CAB39L: variants seen among roughly 807,000 people sequenced by gnomAD.
CAB39L encodes calcium-binding protein 39-like.
CAB39L carries 23 observed loss-of-function variants against 39.1 expected under a neutral mutation model. The ratio of observed to expected loss-of-function variants is 0.59; its 90% CI spans 0.42 to 0.83. CAB39L has a LOEUF of 0.83. CAB39L is among the 40% of genes least tolerant of loss of function. The pLI is 0.00. For synonymous variants in CAB39L, 126 were observed against 137.2 expected, an observed-to-expected ratio of 0.92 and a Z score of 0.57; for missense variants, 366 against 391.9, an observed-to-expected ratio of 0.93 and a Z score of 0.56.
rs370429266 is a variant in CAB39L at position 49,344,213 on chromosome 13, A to G, written c.590T>C (p.Leu197Ser). The change falls in exon 8 of 11, where the codon TTG becomes TCG. Residue 197 changes from leucine to serine, a missense_variant. By Grantham distance (145) the Leu-to-Ser change is moderately radical (BLOSUM62 -2). Transcript: ENST00000409308. Reference sequence around the variant, plus strand: ...ATTTTGTTCTAAGAAGTCTGCTACCAACACTTTATGTCTGGTTAGTAAATC... The same window carrying G: ...ATTTTGTTCTAAGAAGTCTGCTACCGACACTTTATGTCTGGTTAGTAAATC... ...FKDLLTRHKV[L>S]VADFLEQNYD... 3.1e-6 allele frequency: 5 copies of G among 1,601,550 alleles called. No individual in the cohort carries two copies. In the African/African-American group the frequency reaches 5.3e-5, roughly 17 times the overall value.
At chr13:49,443,184 AG>A (rs1483667262) in intron 1 of CAB39L, among the ~76,000 whole-genome samples, 2 of 152,050 alleles carry the variant, frequency 1.3e-5, no homozygotes, top group African/African-American at 4.8e-5. Context: ...TCCCTAACAA[AG>A]CCTCCTCCTG....
intron 10 of CAB39L, among the ~76,000 whole-genome samples, chr13:49,311,628 T>A (rs1430320270): frequency 6.6e-6 from 1 of 152,166 alleles, no homozygotes; most frequent in African/African-American, 2.4e-5. Flanking sequence ...ATACTGATGA[T>A]CCTGACCCTG....
intron 9 of CAB39L, among the ~76,000 whole-genome samples, chr13:49,337,069 A>C (rs1188919822): frequency 1.3e-5 from 2 of 152,196 alleles, no homozygotes; most frequent in Non-Finnish European, 2.9e-5. Flanking sequence ...GTACAAATAT[A>C]AAGGAAACCA....
rs997464127 is a variant in CAB39L, at chr13:49,377,462, G to T, written c.112-331C>A. ...TCCCTCTCATGCGGAGCCGAAGCTG[G>T]ACTGTACTGCTGCCATCTCGGCTCA... On this transcript the variant is annotated intron_variant, in intron 4 of 10. Transcript: ENST00000409308. 2.1e-5 allele frequency among the ~76,000 whole-genome samples: 2 copies of T among 93,622 alleles called. 1 individual carries two copies. Among genetic ancestry groups the T allele is most frequent in the South Asian group, 7.4e-4 (2 of 2,700 alleles). The allele number at this position is 93,622 out of a possible 152,430, so 61.4% of individuals were successfully genotyped here. A position where few individuals can be genotyped will look rare whatever the true frequency, so the allele number is the denominator to read the frequency against.
At chr13:49,413,029 A>G (rs1427360045) in intron 3 of CAB39L, 1 of 152,208 alleles carries the variant, frequency 6.6e-6, no homozygotes, top group Non-Finnish European at 1.5e-5. Context: ...GCCTAGTGTG[A>G]TACTAGGTTC....
At chr13:49,357,407 G>A (rs376593185) in intron 6 of CAB39L, among the ~76,000 whole-genome samples, 17 of 152,150 alleles carry the variant, frequency 1.1e-4, no homozygotes, top group Admixed American at 8.5e-4. Context: ...CAAACAATGA[G>A]TAAATGGTTT....
At position 49,363,581 on chromosome 13, in the gene CAB39L, G is replaced by A. The variant is rs576783290; in HGVS notation, c.277-3749C>T. 6.6e-5 allele frequency among the ~76,000 whole-genome samples: 10 copies of A among 152,128 alleles called. No homozygotes were observed. In the South Asian group the frequency reaches 2.1e-3, roughly 32 times the overall value. ...ATTAAAAGGAAGATAGAAAGGAAGA[G>A]AAGAAGGAAGAGATGACTAAAAAAC... On this transcript the variant is annotated intron_variant, in intron 5 of 10. Coordinates refer to ENST00000409308, the MANE Select transcript of CAB39L (RefSeq NM_001079670.3).
intron 1 of CAB39L, among the ~76,000 whole-genome samples, chr13:49,442,502 G>T (rs979285660): frequency 6.6e-6 from 1 of 152,040 alleles, no homozygotes; most frequent in Non-Finnish European, 1.5e-5. Flanking sequence ...TAAGAAAAAT[G>T]ATTCTCAGGC....
chr13:49,439,256 C>CTGAAAACATAG (rs1463389057), intron 1 of CAB39L, among the ~76,000 whole-genome samples: 2 of 152,018 alleles, frequency 1.3e-5, no homozygotes, highest in African/African-American at 4.8e-5. Context: ...TTTTTTTCCC[C>CTGAAAACATAG]TGAAAACATA....
chr13:49,431,926 T>A lies in CAB39L; in HGVS notation c.-32+1392A>T, dbSNP rs528787363. Reference sequence around the variant, plus strand: ...AGATAAACAAATTGTGGTATATTCATAAAGTGACATACTACTTGGCAATAA... The same window carrying A: ...AGATAAACAAATTGTGGTATATTCAAAAAGTGACATACTACTTGGCAATAA... On this transcript the variant is annotated intron_variant, in intron 3 of 10. Transcript: ENST00000409308. Among the ~76,000 whole-genome samples, 574 of 152,196 alleles carry A rather than the reference T, an allele frequency of 3.8e-3. 2 individuals are homozygous for A. The highest frequency in any genetic ancestry group is 5.8e-3 in the Non-Finnish European group (393 of 67,994).
chr13:49,439,921 GTTTTTTTTT>G (rs34993624), intron 1 of CAB39L, among the ~76,000 whole-genome samples: 5 of 78,584 alleles, frequency 6.4e-5, no homozygotes, highest in South Asian at 4.3e-4. Flanking sequence ...TTTTTAATGG[GTTTTTTTTT>G]TTTTTTTTTT....
intron 3 of CAB39L, among the ~76,000 whole-genome samples, chr13:49,431,824 T>G (rs1056005281): frequency 1.3e-5 from 2 of 152,198 alleles, no homozygotes; most frequent in African/African-American, 4.8e-5. Flanking sequence ...ATATAAAAAC[T>G]TATACATGAA....
chr13:49,350,147 A>G (rs1955301606), intron 7 of CAB39L, among the ~76,000 whole-genome samples: 1 of 152,228 alleles, frequency 6.6e-6, no homozygotes, highest in African/African-American at 2.4e-5. Context: ...AATATATTGC[A>G]TCCTACGATT....
intron 3 of CAB39L, among the ~76,000 whole-genome samples, chr13:49,385,861 A>G (rs896471421): frequency 6.6e-6 from 1 of 152,226 alleles, no homozygotes; most frequent in African/African-American, 2.4e-5. Context: ...TCACCACAAC[A>G]TATGTACTAA....
At chr13:49,400,070 C>G (rs1447803034) in intron 3 of CAB39L, among the ~76,000 whole-genome samples, 1 of 152,074 alleles carries the variant, frequency 6.6e-6, no homozygotes, top group African/African-American at 2.4e-5. Context: ...TATGGTCTAT[C>G]TAGGGTACAA....
intron 5 of CAB39L, among the ~76,000 whole-genome samples, chr13:49,376,403 G>A (rs910799030): frequency 3.3e-5 from 5 of 152,158 alleles, no homozygotes; most frequent in Non-Finnish European, 7.3e-5. Context: ...ACATTTCTAA[G>A]CTTTTGTTTT....
At chr13:49,437,600 T>G (rs1464458084) in intron 1 of CAB39L, among the ~76,000 whole-genome samples, 1 of 152,214 alleles carries the variant, frequency 6.6e-6, no homozygotes, top group African/African-American at 2.4e-5. Context: ...CCTCTTTTTT[T>G]ACAGTCTCCA....
At chr13:49,410,577 G>A (rs1453734416) in intron 3 of CAB39L, among the ~76,000 whole-genome samples, 1 of 152,168 alleles carries the variant, frequency 6.6e-6, no homozygotes, top group Admixed American at 6.5e-5. Context: ...CAGAAAGAAA[G>A]GACAAAGAAA....
intron 10 of CAB39L, among the ~76,000 whole-genome samples, chr13:49,317,662 A>T (rs1954197380): frequency 6.6e-6 from 1 of 152,236 alleles, no homozygotes; most frequent in Non-Finnish European, 1.5e-5. Context: ...ATAAGAGCTA[A>T]AATTTTCACA....
Sources: gnomAD v4.1 joint callset for allele counts (sites outside exome capture counted in the v4.1 genomes callset) on GRCh38, gnomAD v4.1.1 for gene constraint, MANE v1.5 for transcripts, NCBI Gene and HGNC (gene_info 2026-07-23, HGNC 2026-07-21) for gene names.